TUSC1: variants seen among roughly 807,000 people sequenced by gnomAD.
TUSC1 encodes the protein tumor suppressor candidate gene 1 protein.
A neutral mutation model predicts 5.2 loss-of-function variants in TUSC1; 8 were observed. That is an observed-to-expected ratio of 1.54 (90% confidence interval 0.90 to 2.77). The LOEUF is 2.77. Ranked by LOEUF, TUSC1 falls within the 30% of genes most tolerant of loss-of-function variation. The pLI, the probability that TUSC1 is intolerant of heterozygous loss-of-function variation, is 0.00. For synonymous variants in TUSC1, 192 were observed against 144.2 expected, an observed-to-expected ratio of 1.33 and a Z score of -2.37; for missense variants, 442 against 324.2, an observed-to-expected ratio of 1.36 and a Z score of -2.79.
rs1180768325 is a variant in TUSC1, at chr9:25,677,627, G to C, written c.*56C>G. The C allele has an allele frequency of 5.5e-6, 8 of 1,446,960 alleles. No individual in the cohort carries two copies. The African/African-American group carries it at 8.6e-5, about 16-fold the overall frequency. 89.6% of individuals were successfully genotyped at this position (1,446,960 alleles called of 1,614,324 possible). A position where few individuals can be genotyped will look rare whatever the true frequency, so the allele number is the denominator to read the frequency against. On this transcript the variant is annotated 3_prime_UTR_variant, in exon 1 of 1. Transcript: ENST00000358022. ...CGTGCGCGAGGTCGGGGGTAGCTGG[G>C]AACGGAGGAGGAGGGGCCCGCTCGA...
chr9:25,677,584 GCAGGGAGCGGGC>G lies in TUSC1; in HGVS notation c.*87_*98del. On this transcript the variant is annotated 3_prime_UTR_variant, in exon 1 of 1. Coordinates refer to ENST00000358022, the MANE Select transcript of TUSC1 (RefSeq NM_001004125.3). ...GCACCGTAGTCCAAGGTATCCGCGG[GCAGGGAGCGGGC>G]CAGGGCGTGCGCGAGGTCGGGGGTA... 7.0e-7 allele frequency: 1 copy of G among 1,434,466 alleles called. No individual in the cohort carries two copies. Among genetic ancestry groups the G allele is most frequent in the Non-Finnish European group, 9.1e-7 (1 of 1,099,082 alleles). The allele number at this position is 1,434,466 out of a possible 1,614,324, so 88.9% of individuals were successfully genotyped here.
At position 25,677,680 on chromosome 9, in the gene TUSC1, C is replaced by G. The variant is rs762098041; in HGVS notation, c.*3G>C. 3.0e-5 allele frequency: 45 copies of G among 1,510,772 alleles called. No individual in the cohort carries two copies. In the Admixed American group the frequency reaches 3.5e-4, roughly 12 times the overall value. The allele number at this position is 1,510,772 out of a possible 1,614,324, so 93.6% of individuals were successfully genotyped here. On this transcript the variant is annotated 3_prime_UTR_variant, in exon 1 of 1. Coordinates refer to ENST00000358022, the MANE Select transcript of TUSC1 (RefSeq NM_001004125.3). ...CTCCGCCTCTCACCGGCTGCGGCCT[C>G]GGCTACAGCCAGGGCCCAGAGGGCT...
Position 25,678,245 on chromosome 9 carries a change from C to T in TUSC1, c.68G>A (p.Gly23Asp), listed in dbSNP as rs758560060. ...SCCGGDGAAD[G>D]RGPGRSGRAR... Reference sequence around the variant, plus strand: ...CCGGCCGGAGCGGCCTGGCCCTCGGCCGTCCGCAGCACCGTCCCCGCCGCA... The same window carrying T: ...CCGGCCGGAGCGGCCTGGCCCTCGGTCGTCCGCAGCACCGTCCCCGCCGCA... Residue 23 changes from glycine (G) to aspartate (D), a missense_variant, in exon 1 of 1, where the codon GGC becomes GAC. Gly to Asp is a moderately conservative substitution (Grantham distance 94). Transcript: ENST00000358022. 1.4e-6 allele frequency: 2 copies of T among 1,417,072 alleles called. No individual in the cohort carries two copies. The highest frequency in any genetic ancestry group is 1.8e-6 in the Non-Finnish European group (2 of 1,085,514). The allele number at this position is 1,417,072 out of a possible 1,614,324, so 87.8% of individuals were successfully genotyped here.
Position 25,677,429 on chromosome 9 carries a change from G to T in TUSC1, c.*254C>A, listed in dbSNP as rs1819060198. 8.9e-6 allele frequency: 5 copies of T among 560,796 alleles called. No homozygotes were observed. Among genetic ancestry groups the T allele is most frequent in the African/African-American group, 1.9e-5 (1 of 51,924 alleles). The allele number at this position is 560,796 out of a possible 1,614,324, so 34.7% of individuals were successfully genotyped here. The stretch of plus-strand genomic sequence containing the variant: ...GTTGTTGGCTAGGCCTCTCTCCAGG[G>T]AAACTAGCCGGGGCAAGAGGCAGGG... On this transcript the variant is annotated 3_prime_UTR_variant, in exon 1 of 1. Coordinates refer to ENST00000358022, the MANE Select transcript of TUSC1 (RefSeq NM_001004125.3).
rs1819095936 is a variant in TUSC1, at chr9:25,678,317, C to CCCATCCCAACCGCGCCG, written c.-22_-6dup. 1 of 1,444,266 alleles carries CCCATCCCAACCGCGCCG rather than the reference C, an allele frequency of 6.9e-7. No individual in the cohort carries two copies. The highest frequency in any genetic ancestry group is 9.1e-7 in the Non-Finnish European group (1 of 1,098,626). The allele number at this position is 1,444,266 out of a possible 1,614,324, so 89.5% of individuals were successfully genotyped here. A position where few individuals can be genotyped will look rare whatever the true frequency, so the allele number is the denominator to read the frequency against. On this transcript the variant is annotated 5_prime_UTR_variant, in exon 1 of 1. The change creates a new upstream start codon in the 5' untranslated region. Transcript: ENST00000358022. ...GCCACCACGCATGCGCCACATCGGT[C>CCCATCCCAACCGCGCCG]CCATCCCAACCGCGCCGCCAGCCCC...
chr9:25,678,150 G>C lies in TUSC1; in HGVS notation c.163C>G (p.Arg55Gly). ...GCAAACCGCTCCTCCAGCTGCTGTCGGGCGCCGTCCGCGCGGCCTCGCCAG... is the reference window on the plus strand; with the variant it reads ...GCAAACCGCTCCTCCAGCTGCTGTCCGGCGCCGTCCGCGCGGCCTCGCCAG... Reference protein sequence around the residue: ...VGWRGRADGARQQLEERFADL... With the variant: ...VGWRGRADGAGQQLEERFADL... Residue 55 changes from arginine to glycine, a missense_variant, in exon 1 of 1, where the codon CGA becomes GGA. Arg to Gly is a moderately radical substitution (Grantham distance 125, BLOSUM62 -2). Coordinates refer to ENST00000358022, the MANE Select transcript of TUSC1 (RefSeq NM_001004125.3). 1.4e-6 allele frequency: 2 copies of C among 1,480,614 alleles called. No homozygotes were observed. The highest frequency in any genetic ancestry group is 1.5e-5 in the African/African-American group (1 of 68,378). 91.7% of individuals were successfully genotyped at this position (1,480,614 alleles called of 1,614,324 possible). A position where few individuals can be genotyped will look rare whatever the true frequency, so the allele number is the denominator to read the frequency against.
Position 25,677,859 on chromosome 9 carries a change from T to G in TUSC1, c.454A>C (p.Arg152=), listed in dbSNP as rs1462725700. The change falls in exon 1 of 1, where the codon AGG becomes CGG. Residue 152 remains arginine (R), a synonymous_variant. Transcript: ENST00000358022. ...TTCTCAAGTCGGGCCCTCAGGGCCC[T>G]GGGGCTGCCCGGCTCGTCCTCTCGG... The part of the protein sequence containing the change: ...SGREDEPGSP[R]ALRARLEKLE... The G allele has an allele frequency of 6.3e-7, 1 of 1,596,424 alleles. No individual in the cohort carries two copies. Among genetic ancestry groups the G allele is most frequent in the Non-Finnish European group, 8.5e-7 (1 of 1,174,350 alleles).
At position 25,678,274 on chromosome 9, in the gene TUSC1, A is replaced by T; in HGVS notation, c.39T>A (p.Ser13Arg). 6.8e-7 allele frequency: 1 copy of T among 1,462,934 alleles called. No individual in the cohort carries two copies. Among genetic ancestry groups the T allele is most frequent in the South Asian group, 1.3e-5 (1 of 77,090 alleles). 90.6% of individuals were successfully genotyped at this position (1,462,934 alleles called of 1,614,324 possible). A position where few individuals can be genotyped will look rare whatever the true frequency, so the allele number is the denominator to read the frequency against. The change falls in exon 1 of 1, where the codon AGT becomes AGA. Residue 13 changes from serine (S) to arginine (R), a missense_variant. Physicochemically the swap from Ser to Arg is moderately radical, Grantham distance 110 (BLOSUM62 -1). Transcript: ENST00000358022. ...RMRGGATRRG[S>R]CCGGDGAADG... The stretch of plus-strand genomic sequence containing the variant: ...CCGCAGCACCGTCCCCGCCGCAGCA[A>T]CTCCCGCGCCTAGTGGCGCCACCAC...
In TUSC1 at chr9:25,678,270, A is replaced by G; in HGVS notation, c.43T>C (p.Cys15Arg). 7 of 1,462,468 alleles carry G rather than the reference A, an allele frequency of 4.8e-6. No homozygotes were observed. The highest frequency in any genetic ancestry group is 5.4e-6 in the Non-Finnish European group (6 of 1,109,584). 90.6% of individuals were successfully genotyped at this position (1,462,468 alleles called of 1,614,324 possible). Residue 15 changes from cysteine to arginine, a missense_variant, in exon 1 of 1, where the codon TGC (cysteine) becomes CGC (arginine). By Grantham distance (180) the Cys-to-Arg change is radical. Transcript: ENST00000358022. ...RGGATRRGSC[C>R]GGDGAADGRG... ...CCGTCCGCAGCACCGTCCCCGCCGC[A>G]GCAACTCCCGCGCCTAGTGGCGCCA...
chr9:25,677,840 A>G lies in TUSC1; in HGVS notation c.473T>C (p.Leu158Pro). Residue 158 changes from leucine to proline, a missense_variant, in exon 1 of 1, where the codon CTT becomes CCT. Coordinates refer to ENST00000358022, the MANE Select transcript of TUSC1 (RefSeq NM_001004125.3). ...PGSPRALRAR[L>P]EKLEAMYRRA... is the part of the protein sequence containing the mutation. ...GCGGTACATGGCTTCCAGCTTCTCA[A>G]GTCGGGCCCTCAGGGCCCTGGGGCT... The G allele has an allele frequency of 6.3e-7, 1 of 1,596,892 alleles. No individual in the cohort carries two copies. The highest frequency in any genetic ancestry group is 8.5e-7 in the Non-Finnish European group (1 of 1,173,976).
chr9:25,678,351 A>T lies in TUSC1; in HGVS notation c.-39T>A. The T allele has an allele frequency of 5.2e-6, 7 of 1,358,962 alleles. No individual in the cohort carries two copies. The highest frequency in any genetic ancestry group is 6.6e-6 in the Non-Finnish European group (7 of 1,053,368). 84.2% of individuals were successfully genotyped at this position (1,358,962 alleles called of 1,614,324 possible). A position where few individuals can be genotyped will look rare whatever the true frequency, so the allele number is the denominator to read the frequency against. On this transcript the variant is annotated 5_prime_UTR_variant, in exon 1 of 1. Coordinates refer to ENST00000358022, the MANE Select transcript of TUSC1 (RefSeq NM_001004125.3). ...ACCGCGCCGCCAGCCCCGTGGGCTG[A>T]GGGGCCGCGCGGCCAGGCGCGGGCA...
chr9:25,678,273 A>T lies in TUSC1; in HGVS notation c.40T>A (p.Cys14Ser). 3.4e-6 allele frequency: 5 copies of T among 1,464,162 alleles called. No individual in the cohort carries two copies. Among genetic ancestry groups the T allele is most frequent in the Non-Finnish European group, 4.5e-6 (5 of 1,110,268 alleles). The allele number at this position is 1,464,162 out of a possible 1,614,324, so 90.7% of individuals were successfully genotyped here. A position where few individuals can be genotyped will look rare whatever the true frequency, so the allele number is the denominator to read the frequency against. Residue 14 changes from cysteine (C) to serine (S), a missense_variant, in exon 1 of 1, where the codon TGC becomes AGC. Transcript: ENST00000358022. ...MRGGATRRGS[C>S]CGGDGAADGR... Reference sequence around the variant, plus strand: ...TCCGCAGCACCGTCCCCGCCGCAGCAACTCCCGCGCCTAGTGGCGCCACCA... The same window carrying T: ...TCCGCAGCACCGTCCCCGCCGCAGCTACTCCCGCGCCTAGTGGCGCCACCA...
Position 25,677,736 on chromosome 9 carries a change from G to C in TUSC1, c.577C>G (p.Pro193Ala). Residue 193 changes from proline to alanine, a missense_variant, in exon 1 of 1, where the codon CCC becomes GCC. Pro to Ala is a conservative substitution (Grantham distance 27). Coordinates refer to ENST00000358022, the MANE Select transcript of TUSC1 (RefSeq NM_001004125.3). ...TCCCGGGAGCGGAGGCCGGAGTCGG[G>C]TTCCTGTAGAGGCTGCTCCTCCTTG... ...GDKEEQPLQE[P>A]DSGLRSRDSE... The C allele has an allele frequency of 6.4e-7, 1 of 1,574,046 alleles. No individual in the cohort carries two copies. Among genetic ancestry groups the C allele is most frequent in the Non-Finnish European group, 8.6e-7 (1 of 1,160,270 alleles).
In TUSC1 at chr9:25,677,511, C is replaced by A. The variant is rs1490157514; in HGVS notation, c.*172G>T. 1.5e-6 allele frequency: 2 copies of A among 1,303,308 alleles called. No individual in the cohort carries two copies. The highest frequency in any genetic ancestry group is 2.0e-6 in the Non-Finnish European group (2 of 981,752). 80.7% of individuals were successfully genotyped at this position (1,303,308 alleles called of 1,614,324 possible). On this transcript the variant is annotated 3_prime_UTR_variant, in exon 1 of 1. Transcript: ENST00000358022. ...TTGCACCCACTCGACCTCCACCAAGCGGATGGCCAAGCGCCACCCGGAAGT... is the reference window on the plus strand; with the variant it reads ...TTGCACCCACTCGACCTCCACCAAGAGGATGGCCAAGCGCCACCCGGAAGT...
chr9:25,677,892 C>T lies in TUSC1; in HGVS notation c.421G>A (p.Asp141Asn). The T allele has an allele frequency of 6.3e-7, 1 of 1,587,458 alleles. No individual in the cohort carries two copies. Among genetic ancestry groups the T allele is most frequent in the Non-Finnish European group, 8.5e-7 (1 of 1,170,534 alleles). The change falls in exon 1 of 1, where the codon GAC becomes AAC. Residue 141 changes from aspartate (D) to asparagine (N), a missense_variant. By Grantham distance (23) the Asp-to-Asn change is conservative. Transcript: ENST00000358022. ...CCCGGCTCGTCCTCTCGGCCGCTGT[C>T]TCTAGCCCTCCGGTTCGTGCTGGCC... The part of the protein sequence containing the change: ...EEASTNRRAR[D>N]SGREDEPGSP...
Position 25,677,801 on chromosome 9 carries a change from T to C in TUSC1, c.512A>G (p.Gln171Arg). Residue 171 changes from glutamine (Q) to arginine (R), a missense_variant, in exon 1 of 1, where the codon CAG (glutamine) becomes CGG (arginine). Physicochemically the swap from Gln to Arg is conservative, Grantham distance 43. Transcript: ENST00000358022. ...LEAMYRRALL[Q>R]LHLEQRGPRP... ...TGGTCCCCGCTGCTCGAGGTGCAGC[T>C]GCAGCAGGGCCCGGCGGTACATGGC... 1 of 1,591,920 alleles carries C rather than the reference T, an allele frequency of 6.3e-7. No homozygotes were observed. The highest frequency in any genetic ancestry group is 8.5e-7 in the Non-Finnish European group (1 of 1,170,350).
rs976193677 is a variant in TUSC1, at chr9:25,678,340, C to G, written c.-28G>C. The G allele has an allele frequency of 4.3e-6, 6 of 1,389,834 alleles. No homozygotes were observed. The African/African-American group carries it at 6.2e-5, about 14-fold the overall frequency. The allele number at this position is 1,389,834 out of a possible 1,614,324, so 86.1% of individuals were successfully genotyped here. A position where few individuals can be genotyped will look rare whatever the true frequency, so the allele number is the denominator to read the frequency against. ...GTCCCATCCCAACCGCGCCGCCAGC[C>G]CCGTGGGCTGAGGGGCCGCGCGGCC... On this transcript the variant is annotated 5_prime_UTR_variant, in exon 1 of 1. Transcript: ENST00000358022.
chr9:25,677,477 TGAGGGCCC>T lies in TUSC1; in HGVS notation c.*198_*205del. On this transcript the variant is annotated 3_prime_UTR_variant, in exon 1 of 1. Transcript: ENST00000358022. ...GGGGAACTGTACATGTGGGAGGTCC[TGAGGGCCC>T]TTGCACCCACTCGACCTCCACCAAG... The T allele has an allele frequency of 1.1e-6, 1 of 939,526 alleles. No individual in the cohort carries two copies. The allele number at this position is 939,526 out of a possible 1,614,324, so 58.2% of individuals were successfully genotyped here.
Position 25,678,031 on chromosome 9 carries a change from C to T in TUSC1, c.282G>A (p.Arg94=). The stretch of plus-strand genomic sequence containing the variant: ...CGCGCTTCAGCCGCCGGTTCTCGAG[C>T]CGCAGCCGGGCGTTCTCCTGACGCA... ...ARLRQENARL[R]LENRRLKREN... The change falls in exon 1 of 1, where the codon CGG becomes CGA. Residue 94 remains arginine (R), a synonymous_variant. Coordinates refer to ENST00000358022, the MANE Select transcript of TUSC1 (RefSeq NM_001004125.3). 1 of 1,572,708 alleles carries T rather than the reference C, an allele frequency of 6.4e-7. No individual in the cohort carries two copies.
Sources: allele counts gnomAD v4.1 joint callset, GRCh38; gene constraint gnomAD v4.1.1; transcripts MANE v1.5; gene names NCBI Gene and HGNC (gene_info 2026-07-23, HGNC 2026-07-21).